The following PAPPA2 variants were observed in gnomAD, a reference collection of about 807,000 sequenced individuals.
The protein encoded by PAPPA2 is pappalysin 2.
A neutral mutation model predicts 176.4 loss-of-function variants in PAPPA2; 86 were observed. The ratio of observed to expected loss-of-function variants is 0.49; its 90% confidence interval spans 0.41 to 0.58. The LOEUF (loss-of-function observed/expected upper bound fraction) is 0.58. PAPPA2 is among the 20% of genes least tolerant of loss of function. The pLI, the probability that PAPPA2 is intolerant of heterozygous loss-of-function variation, is 0.00. For missense variants in PAPPA2, 2,073 were observed against 2,256.9 expected (o/e 0.92, Z 1.65); for synonymous variants, 809 against 852.2 (o/e 0.95, Z 0.88).
At chr1:176,697,446 C>T (rs566009992) in intron 7 of PAPPA2, among the ~76,000 whole-genome samples, 6 of 152,092 alleles carry the variant, frequency 3.9e-5, no homozygotes, top group Admixed American at 6.5e-5. Context: ...ATAAGAAATA[C>T]TAGTCTTTGC....
chr1:176,643,815 G>C (rs779970848), intron 3 of PAPPA2, among the ~76,000 whole-genome samples: 1 of 151,810 alleles, frequency 6.6e-6, no homozygotes, highest in African/African-American at 2.4e-5. Flanking sequence ...GGGCGGAAGA[G>C]GGGGAGATTG....
chr1:176,474,945 G>A (rs959128340), intron 1 of PAPPA2, among the ~76,000 whole-genome samples: 6 of 152,180 alleles, frequency 3.9e-5, no homozygotes, highest in Non-Finnish European at 8.8e-5. Context: ...TGTATGTACA[G>A]TGTGAATACA....
chr1:176,525,257 G>C (rs1649438353), intron 1 of PAPPA2, among the ~76,000 whole-genome samples: 1 of 152,172 alleles, frequency 6.6e-6, no homozygotes, highest in Non-Finnish European at 1.5e-5. Context: ...ACTCAGTTGA[G>C]CAAGACTCTT....
At chr1:176,725,184 GAATTTCATAT>G (rs1397717120) in intron 12 of PAPPA2, among the ~76,000 whole-genome samples, 14 of 152,150 alleles carry the variant, frequency 9.2e-5, no homozygotes, top group African/African-American at 3.4e-4. Flanking sequence ...TCGGAAGTTT[GAATTTCATAT>G]AATTTTCATA....
chr1:176,624,842 C>A (rs1419669123), intron 3 of PAPPA2, among the ~76,000 whole-genome samples: 2 of 152,148 alleles, frequency 1.3e-5, no homozygotes, highest in Non-Finnish European at 2.9e-5. Flanking sequence ...AGAAAGAGAA[C>A]TTGTCAGGGC....
At chr1:176,769,812 T>A (rs374784264) in intron 16 of PAPPA2, 28 bp downstream of exon 16, 121 of 1,560,456 alleles carry the variant, frequency 7.8e-5, no homozygotes, top group Middle Eastern at 5.2e-4. Flanking sequence ...AGGAACTGTA[T>A]GCAAGTTCTC....
intron 1 of PAPPA2, among the ~76,000 whole-genome samples, chr1:176,500,995 C>T (rs2102508403): frequency 6.6e-6 from 1 of 151,118 alleles, no homozygotes; most frequent in East Asian, 1.9e-4. Flanking sequence ...TTACTAGTTT[C>T]CAAATGTTAA....
intron 3 of PAPPA2, among the ~76,000 whole-genome samples, chr1:176,628,164 G>T (rs1039114682): frequency 6.6e-6 from 1 of 152,120 alleles, no homozygotes; most frequent in East Asian, 1.9e-4. Flanking sequence ...GGTTGATTTA[G>T]CTAGGTTTGG....
chr1:176,772,555 A>G (rs1278637920), intron 17 of PAPPA2, among the ~76,000 whole-genome samples: 1 of 152,132 alleles, frequency 6.6e-6, no homozygotes, highest in African/African-American at 2.4e-5. Flanking sequence ...GCCCAGGCTC[A>G]TATGTGGGAG....
intron 3 of PAPPA2, among the ~76,000 whole-genome samples, chr1:176,645,253 T>C (rs1657333778): frequency 6.6e-6 from 1 of 151,792 alleles, no homozygotes; most frequent in African/African-American, 2.4e-5. Flanking sequence ...CTCCCTTCTA[T>C]CATTCCTGGC....
intron 1 of PAPPA2, among the ~76,000 whole-genome samples, chr1:176,514,762 C>T (rs1394844947): frequency 6.6e-6 from 1 of 152,198 alleles, no homozygotes; most frequent in African/African-American, 2.4e-5. Context: ...TTTAGGCATG[C>T]CTAGGACTAA....
At chr1:176,783,162 G>A (rs963629923) in intron 17 of PAPPA2, among the ~76,000 whole-genome samples, 1 of 152,160 alleles carries the variant, frequency 6.6e-6, no homozygotes, top group African/African-American at 2.4e-5. Flanking sequence ...ATCACACAGA[G>A]TGGGTCTGAG....
chr1:176,634,890 A>C (rs540500107), intron 3 of PAPPA2, among the ~76,000 whole-genome samples: 1 of 102,822 alleles, frequency 9.7e-6, no homozygotes, highest in Non-Finnish European at 2.2e-5. Context: ...AGACACATAG[A>C]TAGATAGACA....
chr1:176,708,741 TAA>T (rs1660999535), intron 10 of PAPPA2, among the ~76,000 whole-genome samples: 1 of 152,130 alleles, frequency 6.6e-6, no homozygotes, highest in African/African-American at 2.4e-5. Context: ...AGGAAATTGT[TAA>T]GAGAATAATT....
chr1:176,551,967 GA>G (rs1442624983), intron 1 of PAPPA2, among the ~76,000 whole-genome samples: 1 of 152,140 alleles, frequency 6.6e-6, no homozygotes, highest in Non-Finnish European at 1.5e-5. Flanking sequence ...CCCTTAAAGA[GA>G]CAATGTTGAA....
At chr1:176,597,285 T>G (rs897061462) in intron 3 of PAPPA2, among the ~76,000 whole-genome samples, 5 of 152,236 alleles carry the variant, frequency 3.3e-5, no homozygotes, top group African/African-American at 7.2e-5. Context: ...ATCAGTATTT[T>G]CAGATTATTT....
chr1:176,528,911 C>G (rs1327676043), intron 1 of PAPPA2, among the ~76,000 whole-genome samples: 6 of 152,200 alleles, frequency 3.9e-5, no homozygotes, highest in Admixed American at 1.3e-4. Flanking sequence ...CCTCGTGAAG[C>G]CTTCCTTGAT....
intron 21 of PAPPA2, among the ~76,000 whole-genome samples, chr1:176,820,734 T>C (rs1054110741): frequency 6.6e-6 from 1 of 152,120 alleles, no homozygotes; most frequent in African/African-American, 2.4e-5. Flanking sequence ...GATTCATACT[T>C]GGCCAGCCTC....
At chr1:176,570,720 C>G (rs1449393660) in intron 2 of PAPPA2, among the ~76,000 whole-genome samples, 1 of 150,590 alleles carries the variant, frequency 6.6e-6, no homozygotes, top group African/African-American at 2.4e-5. Flanking sequence ...AGGCAGGTGA[C>G]AGCCAGGTGC....
Sources: allele counts gnomAD v4.1 joint callset (sites outside exome capture counted in the v4.1 genomes callset), GRCh38; gene constraint gnomAD v4.1.1; transcripts MANE v1.5; gene names NCBI Gene and HGNC (gene_info 2026-07-23, HGNC 2026-07-21).